The following TMPRSS9 variants were observed in gnomAD, a reference collection of about 807,000 sequenced individuals.
TMPRSS9 encodes the protein transmembrane serine protease 9.
A neutral mutation model predicts 111.4 loss-of-function variants in TMPRSS9; 113 were observed. The observed-to-expected ratio is 1.01, with a 90% CI of 0.87 to 1.19. The LOEUF (loss-of-function observed/expected upper bound fraction) is 1.19. Among genes scored for constraint, TMPRSS9 ranks in the 50% most tolerant of loss-of-function variants. TMPRSS9 has a pLI of 0.00. For missense variants in TMPRSS9, 1,803 were observed against 1,513.1 expected (o/e 1.19, Z -3.18); for synonymous variants, 805 against 659.1 (o/e 1.22, Z -3.39).
In TMPRSS9 at chr19:2,396,525, G is replaced by A; in HGVS notation, c.143-14G>A. On this transcript the variant is annotated splice_polypyrimidine_tract_variant and intron_variant, in intron 1 of 17. Coordinates refer to ENST00000648592, the Ensembl canonical transcript of TMPRSS9. Reference sequence around the variant, plus strand: ...AAAGGTGGGCTCTCTCACGGGCCCTGGTCTCGTCCCCAGCCTTCCTCTCTA... The same window carrying A: ...AAAGGTGGGCTCTCTCACGGGCCCTAGTCTCGTCCCCAGCCTTCCTCTCTA... 2.5e-6 allele frequency: 4 copies of A among 1,590,236 alleles called. No homozygotes were observed. The highest frequency in any genetic ancestry group is 2.6e-6 in the Non-Finnish European group (3 of 1,166,432).
intron 15 of TMPRSS9, 144 bp from the exon 17 acceptor site, chr19:2,424,858 T>C: frequency 1.9e-6 from 2 of 1,070,858 alleles, no homozygotes; most frequent in Non-Finnish European, 2.5e-6. Flanking sequence ...TGGGGGAGAC[T>C]GAGCCCATTC....
intron 1 of TMPRSS9, among the ~76,000 whole-genome samples, chr19:2,374,371 G>C (rs866425634): frequency 7.2e-6 from 1 of 139,568 alleles, no homozygotes; most frequent in Admixed American, 7.8e-5. Context: ...TCAGGAGTTC[G>C]AGACCACCCT....
upstream of TMPRSS9, among the ~76,000 whole-genome samples, chr19:2,388,354 C>A (rs1220726279): frequency 6.6e-6 from 1 of 152,036 alleles, no homozygotes; most frequent in Non-Finnish European, 1.5e-5. Flanking sequence ...CCATTGCACT[C>A]CAGCCTGGGC....
chr19:2,375,841 G>C (rs544381398), intron 1 of TMPRSS9, among the ~76,000 whole-genome samples: 2 of 152,148 alleles, frequency 1.3e-5, no homozygotes, highest in Non-Finnish European at 2.9e-5. Context: ...GCAGATCAAC[G>C]ACCTGGGGAA....
intron 13 of TMPRSS9, among the ~76,000 whole-genome samples, chr19:2,420,045 C>T (rs1196265626): frequency 4.6e-5 from 7 of 152,020 alleles, no homozygotes; most frequent in Admixed American, 1.3e-4. Flanking sequence ...TGCCTGTGGT[C>T]CCAGCTCCTT....
intron 9 of TMPRSS9, among the ~76,000 whole-genome samples, chr19:2,411,236 G>T (rs1163433461): frequency 7.2e-6 from 1 of 139,810 alleles, no homozygotes; most frequent in Non-Finnish European, 1.5e-5. Flanking sequence ...GGAGCTGGAG[G>T]TTGCAGTGAG....
chr19:2,363,147 G>A (rs565659072), intron 1 of TMPRSS9, among the ~76,000 whole-genome samples: 1 of 152,346 alleles, frequency 6.6e-6, no homozygotes, highest in Admixed American at 6.5e-5. Flanking sequence ...GTGAACGTGA[G>A]TTGGGGACCA....
chr19:2,381,207 G>C (rs1006339570), intron 1 of TMPRSS9, among the ~76,000 whole-genome samples: 2 of 151,972 alleles, frequency 1.3e-5, no homozygotes, highest in Non-Finnish European at 2.9e-5. Flanking sequence ...AATGAATGGC[G>C]CTTCTATGTT....
At chr19:2,403,060 G>A (rs1182466962) in intron 5 of TMPRSS9, 22 bp from the exon 7 acceptor site, 4 of 1,579,386 alleles carry the variant, frequency 2.5e-6, no homozygotes, top group Admixed American at 3.6e-5. Context: ...AGGTCAGAAA[G>A]TCGGTTCTTT....
intron 1 of TMPRSS9, among the ~76,000 whole-genome samples, chr19:2,362,401 A>G (rs1333884655): frequency 6.7e-6 from 1 of 149,684 alleles, no homozygotes; most frequent in Non-Finnish European, 1.5e-5. Context: ...ATTGTGGTGG[A>G]GGTGTAATTG....
rs534129333 is a variant in TMPRSS9 at position 2,401,438 on chromosome 19, G to A, written c.515-537G>A. On this transcript the variant is annotated intron_variant, in intron 4 of 17. Coordinates refer to ENST00000648592, the Ensembl canonical transcript of TMPRSS9. ...GCCTTGTGCAGTTTGGTGGCCGTCC[G>A]AGCCCTGGGGCTGGTGAGTGCTCCC... 2.6e-4 allele frequency among the ~76,000 whole-genome samples: 39 copies of A among 152,218 alleles called. No individual in the cohort carries two copies. In the South Asian group the frequency reaches 7.0e-3, roughly 28 times the overall value.
intron 12 of TMPRSS9, 122 bp downstream of exon 13, chr19:2,416,931 G>A: frequency 7.8e-7 from 1 of 1,284,466 alleles, no homozygotes; most frequent in Non-Finnish European, 1.0e-6. Context: ...GGACCTCTGT[G>A]GCTGATCCCT....
intron 1 of TMPRSS9, among the ~76,000 whole-genome samples, chr19:2,374,612 A>T (rs374578922): frequency 6.6e-6 from 1 of 151,826 alleles, no homozygotes; most frequent in Admixed American, 6.6e-5. Flanking sequence ...CCCCTCAAAA[A>T]CAGGGTCTTT....
intron 12 of TMPRSS9, 101 bp downstream of exon 13, chr19:2,416,910 C>A: frequency 7.2e-7 from 1 of 1,391,970 alleles, no homozygotes. Flanking sequence ...TAAACCAATT[C>A]CACTGCACAG....
At chr19:2,410,031 G>A (rs745776362) in intron 8 of TMPRSS9, among the ~76,000 whole-genome samples, 4 of 152,088 alleles carry the variant, frequency 2.6e-5, no homozygotes, top group Non-Finnish European at 5.9e-5. Context: ...TGAGGACCTC[G>A]GGCTGGGGGT....
At chr19:2,393,348 G>A (rs1970639201) in intron 1 of TMPRSS9, among the ~76,000 whole-genome samples, 1 of 152,168 alleles carries the variant, frequency 6.6e-6, no homozygotes, top group Admixed American at 6.6e-5. Context: ...CAGACACGCT[G>A]CCTTAAGAGC....
At chr19:2,379,613 TTC>T (rs1555676511) in intron 1 of TMPRSS9, among the ~76,000 whole-genome samples, 36 of 116,780 alleles carry the variant, frequency 3.1e-4, no homozygotes, top group African/African-American at 9.1e-4. Flanking sequence ...CTAACTTTCT[TTC>T]TCTTTCTTTC....
chr19:2,369,950 G>C (rs560990102), intron 1 of TMPRSS9, among the ~76,000 whole-genome samples: 1 of 152,016 alleles, frequency 6.6e-6, no homozygotes, highest in Non-Finnish European at 1.5e-5. Context: ...GCTCATGCCT[G>C]TAATCCCAGC....
chr19:2,372,117 A>G (rs1181700955), intron 1 of TMPRSS9, among the ~76,000 whole-genome samples: 1 of 152,144 alleles, frequency 6.6e-6, no homozygotes, highest in Non-Finnish European at 1.5e-5. Flanking sequence ...TTGACCTCCC[A>G]AAGTCTGGGA....
Sources: gnomAD v4.1 joint callset for allele counts (sites outside exome capture counted in the v4.1 genomes callset) on GRCh38, gnomAD v4.1.1 for gene constraint, MANE v1.5 for transcripts, NCBI Gene and HGNC (gene_info 2026-07-23, HGNC 2026-07-21) for gene names.